Variants in WDFY1 observed in about 807,000 individuals in gnomAD.
The protein encoded by WDFY1 is WD repeat and FYVE domain containing 1.
WDFY1 carries 32 observed loss-of-function variants against 56.4 expected under a neutral mutation model. The ratio of observed to expected loss-of-function variants is 0.57; its 90% CI spans 0.43 to 0.76. The LOEUF (loss-of-function observed/expected upper bound fraction) is 0.76. Among genes scored for constraint, WDFY1 ranks in the 30% least tolerant of loss-of-function variants. The probability of loss-of-function intolerance (pLI) is 0.00; values close to 1 mark genes in which losing one functional copy is unlikely to be tolerated. For synonymous variants in WDFY1, 192 were observed against 197.3 expected, an observed-to-expected ratio of 0.97 and a Z score of 0.23; for missense variants, 480 against 545.7, an observed-to-expected ratio of 0.88 and a Z score of 1.20.
At chr2:223,923,857 T>C (rs1441125619) in intron 1 of WDFY1, among the ~76,000 whole-genome samples, 2 of 152,232 alleles carry the variant, frequency 1.3e-5, no homozygotes, top group Non-Finnish European at 2.9e-5. Context: ...TCTGTCTAGA[T>C]TGAATGTCTA....
rs1178584372 is a variant in WDFY1, at chr2:223,877,431, T to G, written c.*1240A>C. ...CCATATCCCTAGAGAAATAGATATA[T>G]GTACTGTTGTCAAAAAAAATCAAAC... On this transcript the variant is annotated 3_prime_UTR_variant, in exon 12 of 12. Transcript: ENST00000233055. 2 of 152,154 alleles carry G rather than the reference T, an allele frequency of 1.3e-5. No homozygotes were observed. Among genetic ancestry groups the G allele is most frequent in the African/African-American group, 4.8e-5 (2 of 41,422 alleles). 9.4% of individuals were successfully genotyped at this position (152,154 alleles called of 1,614,324 possible).
At chr2:223,892,591 G>C (rs1383842412) in intron 8 of WDFY1, among the ~76,000 whole-genome samples, 1 of 152,008 alleles carries the variant, frequency 6.6e-6, no homozygotes, top group Non-Finnish European at 1.5e-5. Context: ...AAAAAAAATA[G>C]ATGAAAGCCC....
At chr2:223,909,621 C>G (rs1303011693) in intron 3 of WDFY1, among the ~76,000 whole-genome samples, 4 of 152,094 alleles carry the variant, frequency 2.6e-5, no homozygotes, top group Non-Finnish European at 5.9e-5. Flanking sequence ...CCTCCCCCAC[C>G]CAGCCTTACC....
At chr2:223,883,450 C>T (rs528313771) in intron 9 of WDFY1, among the ~76,000 whole-genome samples, 1 of 152,196 alleles carries the variant, frequency 6.6e-6, no homozygotes, top group African/African-American at 2.4e-5. Flanking sequence ...GTAGGGAATA[C>T]TTCACCTATT....
intron 1 of WDFY1, among the ~76,000 whole-genome samples, chr2:223,926,646 A>ATGTGTGTGTGTG (rs61402571): frequency 1.0e-3 from 145 of 145,138 alleles, no homozygotes; most frequent in African/African-American, 3.8e-3. Context: ...ATATACAAAT[A>ATGTGTGTGTGTG]TGTGCGTGTG....
intron 9 of WDFY1, 132 bp from the exon 10 acceptor site, chr2:223,882,204 G>C (rs911272617): frequency 8.3e-7 from 1 of 1,206,304 alleles, no homozygotes; most frequent in African/African-American, 1.6e-5. Flanking sequence ...AACCTCTGGC[G>C]CCCGGGTTCT....
chr2:223,938,066 A>T (rs1689232171), intron 1 of WDFY1, among the ~76,000 whole-genome samples: 1 of 152,230 alleles, frequency 6.6e-6, no homozygotes, highest in African/African-American at 2.4e-5. Flanking sequence ...GCTAAAAAAC[A>T]TCTAAAAGTT....
Position 223,916,069 on chromosome 2 carries a change from C to G in WDFY1, c.205+1874G>C, listed in dbSNP as rs1040962970. Among the ~76,000 whole-genome samples the G allele has an allele frequency of 2.6e-5, 4 of 152,134 alleles. No homozygotes were observed. The South Asian group carries it at 6.2e-4, about 24-fold the overall frequency. On this transcript the variant is annotated intron_variant, in intron 2 of 11. Transcript: ENST00000233055. ...CTTCAAATGTCTTATGTATTATAAG[C>G]CTTTACTCTTCCTTTCATAATAGTT... is the stretch of plus-strand genomic sequence containing the variant.
At chr2:223,921,788 C>T (rs957901592) in intron 1 of WDFY1, among the ~76,000 whole-genome samples, 1 of 152,030 alleles carries the variant, frequency 6.6e-6, no homozygotes, top group Non-Finnish European at 1.5e-5. Flanking sequence ...TTAATGGTGT[C>T]GCTGTTTGTT....
chr2:223,925,189 T>C (rs1431165912), intron 1 of WDFY1, among the ~76,000 whole-genome samples: 1 of 149,748 alleles, frequency 6.7e-6, no homozygotes, highest in East Asian at 1.9e-4. Flanking sequence ...ATAAAATGTT[T>C]ATGAAATGGT....
In WDFY1 at chr2:223,923,715, C is replaced by T. The variant is rs572194054; in HGVS notation, c.138-5705G>A. On this transcript the variant is annotated intron_variant, in intron 1 of 11. Coordinates refer to ENST00000233055, the MANE Select transcript of WDFY1 (RefSeq NM_020830.5). ...GGCGGAGCTTGCAGTGAGCCGAGAT[C>T]GCGCCACTGCACTCCAGCCTGGGCG... 1.7e-3 allele frequency among the ~76,000 whole-genome samples: 261 copies of T among 152,044 alleles called. 2 individuals are homozygous for T. Among genetic ancestry groups the T allele is most frequent in the African/African-American group, 6.0e-3 (247 of 41,456 alleles).
chr2:223,922,748 G>A (rs1337165749), intron 1 of WDFY1, among the ~76,000 whole-genome samples: 1 of 152,194 alleles, frequency 6.6e-6, no homozygotes, highest in Middle Eastern at 3.2e-3. Context: ...TCAGAAATCA[G>A]AGAACTCTGC....
intron 1 of WDFY1, among the ~76,000 whole-genome samples, chr2:223,928,561 A>G (rs766782868): frequency 6.6e-6 from 1 of 152,194 alleles, no homozygotes; most frequent in Non-Finnish European, 1.5e-5. Flanking sequence ...TGAGGCACTT[A>G]GGGACTTATT....
chr2:223,918,762 CG>C (rs1476116031), intron 1 of WDFY1, among the ~76,000 whole-genome samples: 1 of 152,136 alleles, frequency 6.6e-6, no homozygotes, highest in African/African-American at 2.4e-5. Flanking sequence ...GAGAGGAAGG[CG>C]GTGGCTGTGA....
At chr2:223,910,023 A>G (rs796897217) in intron 3 of WDFY1, among the ~76,000 whole-genome samples, 8 of 152,240 alleles carry the variant, frequency 5.3e-5, no homozygotes, top group African/African-American at 1.9e-4. Context: ...CAATTCTCCA[A>G]TCGCCCTAGG....
chr2:223,936,223 G>A (rs961735362), intron 1 of WDFY1, among the ~76,000 whole-genome samples: 4 of 151,882 alleles, frequency 2.6e-5, no homozygotes, highest in Non-Finnish European at 5.9e-5. Flanking sequence ...CCCTACACCT[G>A]GCTAATTTTT....
At chr2:223,906,440 T>G (rs1693599336) in intron 3 of WDFY1, among the ~76,000 whole-genome samples, 2 of 152,208 alleles carry the variant, frequency 1.3e-5, no homozygotes, top group Non-Finnish European at 2.9e-5. Context: ...TGGGGGAAAG[T>G]ACACCTATTT....
chr2:223,893,836 A>T (rs1212444476), intron 8 of WDFY1, among the ~76,000 whole-genome samples: 1 of 152,212 alleles, frequency 6.6e-6, no homozygotes, highest in East Asian at 1.9e-4. Context: ...GTGTTTAGCT[A>T]TGTCCCTGAC....
intron 3 of WDFY1, among the ~76,000 whole-genome samples, chr2:223,910,390 G>A (rs933571934): frequency 1.3e-5 from 2 of 150,676 alleles, no homozygotes; most frequent in Non-Finnish European, 2.9e-5. Context: ...TCTTAGATAT[G>A]GTATCTAAAG....
Sources: gnomAD v4.1 joint callset for allele counts (sites outside exome capture counted in the v4.1 genomes callset) on GRCh38, gnomAD v4.1.1 for gene constraint, MANE v1.5 for transcripts, NCBI Gene and HGNC (gene_info 2026-07-23, HGNC 2026-07-21) for gene names.